PDXDC1: variants seen among roughly 807,000 people sequenced by gnomAD.
PDXDC1 encodes pyridoxal-dependent decarboxylase domain-containing protein 1.
A neutral mutation model predicts 100.1 loss-of-function variants in PDXDC1; 42 were observed. The ratio of observed to expected loss-of-function variants is 0.42; its 90% CI spans 0.33 to 0.54. The LOEUF is 0.54. Among genes scored for constraint, PDXDC1 ranks in the 20% least tolerant of loss-of-function variants. The pLI is 0.10. For missense variants in PDXDC1, 636 were observed against 979.2 expected (o/e 0.65, Z 4.68); for synonymous variants, 260 against 371.7 (o/e 0.70, Z 3.46).
At chr16:15,039,676 G>A (rs1277331883), downstream of PDXDC1, among the ~76,000 whole-genome samples, 1 of 152,162 alleles carries the variant, frequency 6.6e-6, no homozygotes, top group Non-Finnish European at 1.5e-5. Context: ...GAACTTTATA[G>A]AAAAGCTCTT....
At position 15,065,358 on chromosome 16, in the gene PDXDC1, C is replaced by T. The variant is rs146534627; in HGVS notation, c.1399+35302C>T. The T allele has an allele frequency of 1.4e-4, 226 of 1,613,026 alleles. No individual in the cohort carries two copies. The African/African-American group carries it at 2.2e-3, about 16-fold the overall frequency. ...CTCTCAATGATGGTGTAGCAGAAGA[C>T]GAGCTGGTACTTACTGTGGAACAAA... On this transcript the variant is annotated intron_variant, in intron 16 of 16. Transcript: ENST00000535621.
chr16:15,130,238 G>C (rs749526440), intron 16 of PDXDC1: 1 of 1,549,702 alleles, frequency 6.5e-7, no homozygotes, highest in Non-Finnish European at 8.7e-7. Context: ...GGGGCACGAA[G>C]AGGCTGGCGC....
chr16:15,021,177 C>T (rs1314114321), intron 12 of PDXDC1, among the ~76,000 whole-genome samples: 2 of 152,268 alleles, frequency 1.3e-5, no homozygotes, highest in Non-Finnish European at 2.9e-5. Context: ...CAGAGTTCAA[C>T]ACCAGCCTGG....
chr16:15,064,546 G>A lies in PDXDC1; in HGVS notation c.1399+34490G>A, dbSNP rs181057766. On this transcript the variant is annotated intron_variant, in intron 16 of 16. Transcript: ENST00000535621. ...CTCTAGAGGAAGGAACAAGACACTT[G>A]GCAGAAAATTATGAAGCAAGAAAAG... 9.9e-4 allele frequency among the ~76,000 whole-genome samples: 150 copies of A among 152,236 alleles called. 1 individual carries two copies. Among genetic ancestry groups the A allele is most frequent in the African/African-American group, 3.5e-3 (146 of 41,530 alleles).
chr16:15,038,559 C>A (rs765890570), downstream of PDXDC1: 12 of 1,370,282 alleles, frequency 8.8e-6, no homozygotes, highest in Admixed American at 3.5e-5. Flanking sequence ...ACTTACCCAG[C>A]CTGTAAACTC....
chr16:15,018,373 C>CA (rs1395284412), intron 11 of PDXDC1, among the ~76,000 whole-genome samples: 1 of 152,240 alleles, frequency 6.6e-6, no homozygotes, highest in African/African-American at 2.4e-5. Context: ...CACACCACTG[C>CA]ACTGCAGCCT....
At chr16:15,132,926 G>T (rs1318606104) in intron 16 of PDXDC1, 40 of 1,582,370 alleles carry the variant, frequency 2.5e-5, no homozygotes, top group Non-Finnish European at 3.3e-5. Context: ...AGACCGGCAG[G>T]AGGCCAGCAG....
chr16:15,027,657 T>TCGTC (rs2042716037), intron 14 of PDXDC1, among the ~76,000 whole-genome samples: 1 of 152,292 alleles, frequency 6.6e-6, no homozygotes, highest in Non-Finnish European at 1.5e-5. Flanking sequence ...AAACTCCGCC[T>TCGTC]CGTCCCCGTG....
chr16:15,046,385 AG>A (rs1475406399), intron 16 of PDXDC1, among the ~76,000 whole-genome samples: 1 of 152,170 alleles, frequency 6.6e-6, no homozygotes, highest in Non-Finnish European at 1.5e-5. Context: ...GAGCAAGGAG[AG>A]GGGACAGGTG....
intron 1 of PDXDC1, among the ~76,000 whole-genome samples, chr16:14,994,926 A>G (rs1349584288): frequency 6.6e-6 from 1 of 152,288 alleles, no homozygotes; most frequent in African/African-American, 2.4e-5. Context: ...TTCACTCATG[A>G]TTTGGCTCTC....
chr16:15,046,036 G>A (rs184134530), intron 16 of PDXDC1: 57 of 152,384 alleles, frequency 3.7e-4, no homozygotes, highest in African/African-American at 1.3e-3. Flanking sequence ...AGATCAGGAA[G>A]AGCTGACAAG....
intron 16 of PDXDC1, among the ~76,000 whole-genome samples, chr16:15,057,073 C>A (rs2044552272): frequency 6.6e-6 from 1 of 152,104 alleles, no homozygotes; most frequent in Non-Finnish European, 1.5e-5. Flanking sequence ...AGTAATTTTA[C>A]AAAAGATACA....
chr16:15,077,891 T>C (rs978149506), intron 16 of PDXDC1, among the ~76,000 whole-genome samples: 1 of 152,146 alleles, frequency 6.6e-6, no homozygotes, highest in African/African-American at 2.4e-5. Context: ...GCTATGTCTT[T>C]ATCAGCAGTG....
intron 16 of PDXDC1, among the ~76,000 whole-genome samples, chr16:15,093,548 G>C (rs1437569212): frequency 6.6e-6 from 1 of 152,128 alleles, no homozygotes; most frequent in African/African-American, 2.4e-5. Context: ...CAGTAAGCAG[G>C]AGCTCGATAA....
intron 13 of PDXDC1, chr16:15,025,198 G>A (rs1170259354): frequency 3.3e-5 from 5 of 152,358 alleles, no homozygotes; most frequent in Non-Finnish European, 1.5e-5. Flanking sequence ...AGAACCAGAA[G>A]TGTCTCCAAC....
chr16:15,039,723 T>C (rs1476672944), downstream of PDXDC1, among the ~76,000 whole-genome samples: 1 of 152,168 alleles, frequency 6.6e-6, no homozygotes, highest in Non-Finnish European at 1.5e-5. Flanking sequence ...TGAATTCGGA[T>C]GCTGGGGTTC....
At chr16:15,098,288 C>T (rs1260216650) in intron 16 of PDXDC1, among the ~76,000 whole-genome samples, 1 of 150,986 alleles carries the variant, frequency 6.6e-6, no homozygotes, top group Non-Finnish European at 1.5e-5. Context: ...GCAACCTCTG[C>T]CTCCCGGGTT....
intron 3 of PDXDC1, among the ~76,000 whole-genome samples, chr16:14,999,515 C>A (rs370272999): frequency 5.9e-5 from 9 of 152,264 alleles, no homozygotes; most frequent in Admixed American, 6.5e-5. Context: ...TCGAGGCCAC[C>A]CTGAACAACA....
intron 14 of PDXDC1, among the ~76,000 whole-genome samples, chr16:15,028,392 G>A (rs555919173): frequency 5.2e-4 from 79 of 152,386 alleles, no homozygotes; most frequent in African/African-American, 1.9e-3. Flanking sequence ...CTTCACTTGT[G>A]ACACTAACAA....
Sources: allele counts gnomAD v4.1 joint callset (sites outside exome capture counted in the v4.1 genomes callset), GRCh38; gene constraint gnomAD v4.1.1; transcripts MANE v1.5; gene names NCBI Gene and HGNC (gene_info 2026-07-23, HGNC 2026-07-21).